The following TRAF2 variants were observed in gnomAD, a reference collection of about 807,000 sequenced individuals.
The protein encoded by TRAF2 is TNF receptor-associated factor 2.
TRAF2 carries 6 observed loss-of-function variants against 55.6 expected under a neutral mutation model. The observed-to-expected ratio is 0.11, with a 90% CI of 0.06 to 0.21. The LOEUF is 0.21. Ranked by LOEUF, TRAF2 falls within the 10% of genes least tolerant of loss-of-function variation. The pLI is 1.00. For synonymous variants in TRAF2, 329 were observed against 276.3 expected (o/e 1.19, Z -1.89); for missense variants, 561 against 684.5 (o/e 0.82, Z 2.01).
intron 1 of TRAF2, among the ~76,000 whole-genome samples, chr9:136,898,025 C>T (rs887735110): frequency 3.5e-5 from 5 of 144,026 alleles, no homozygotes; most frequent in Non-Finnish European, 6.1e-5. Flanking sequence ...GCTACGTTCC[C>T]GCTCTCAGGG....
At chr9:136,925,495 G>C (rs1298617190) in intron 10 of TRAF2, among the ~76,000 whole-genome samples, 188 bp from the exon 11 acceptor site, 1 of 151,196 alleles carries the variant, frequency 6.6e-6, no homozygotes, top group African/African-American at 2.5e-5. Context: ...TGGCTGGGGA[G>C]GGCTGGGGAG....
intron 1 of TRAF2, among the ~76,000 whole-genome samples, chr9:136,891,706 A>G (rs1042948082): frequency 1.3e-5 from 2 of 151,820 alleles, no homozygotes; most frequent in Non-Finnish European, 2.9e-5. Flanking sequence ...TTGGGAAAAA[A>G]GAACGCTCAC....
chr9:136,895,574 G>A (rs1849662613), intron 1 of TRAF2, among the ~76,000 whole-genome samples: 1 of 152,188 alleles, frequency 6.6e-6, no homozygotes, highest in African/African-American at 2.4e-5. Flanking sequence ...GTTGGAATGG[G>A]CCAGGCACGG....
chr9:136,916,479 G>A, intron 6 of TRAF2, 62 bp from the exon 7 acceptor site: 1 of 1,543,598 alleles, frequency 6.5e-7, no homozygotes, highest in Non-Finnish European at 9.0e-7. Flanking sequence ...TGTGGTCCAT[G>A]TGGAAGTGCT....
At chr9:136,897,601 G>T (rs1452690012) in intron 1 of TRAF2, among the ~76,000 whole-genome samples, 3 of 147,190 alleles carry the variant, frequency 2.0e-5, no homozygotes, top group African/African-American at 7.6e-5. Context: ...GGCTGGAGGG[G>T]AACCCGTGGT....
At chr9:136,908,048 C>T (rs761715235) in intron 4 of TRAF2, 22 bp from the exon 5 acceptor site, 20 of 1,591,152 alleles carry the variant, frequency 1.3e-5, no homozygotes, top group Admixed American at 3.4e-5. Context: ...GTTCTACTGA[C>T]GCTTCCTCCT....
At chr9:136,918,004 C>G (rs1264361015) in intron 7 of TRAF2, among the ~76,000 whole-genome samples, 1 of 151,918 alleles carries the variant, frequency 6.6e-6, no homozygotes, top group African/African-American at 2.4e-5. Context: ...AAGGATCTCC[C>G]CGTGCTGGCA....
chr9:136,882,120 T>A (rs1042699234), upstream of TRAF2: 62 of 868,626 alleles, frequency 7.1e-5, no homozygotes, highest in Non-Finnish European at 8.4e-5. Context: ...ACATTCTGCC[T>A]CCTGGCTCCA....
rs563954050 is a variant in TRAF2 at position 136,904,778 on chromosome 9, C to CATAAT, written c.367-3291_367-3290insTAATA. Among the ~76,000 whole-genome samples the CATAAT allele has an allele frequency of 1.2e-4, 18 of 152,386 alleles. No homozygotes were observed. The South Asian group carries it at 3.7e-3, about 32-fold the overall frequency. ...GCTTTCGTTTTTAGGTTTCATAAGC[C>CATAAT]AGAATAGTTGCTGAGGCTCCTCTTT... On this transcript the variant is annotated intron_variant, in intron 4 of 10. Coordinates refer to ENST00000247668, the MANE Select transcript of TRAF2 (RefSeq NM_021138.4).
At chr9:136,918,287 TG>T (rs1850296056) in intron 7 of TRAF2, among the ~76,000 whole-genome samples, 1 of 149,448 alleles carries the variant, frequency 6.7e-6, no homozygotes, top group Non-Finnish European at 1.5e-5. Context: ...TATTTATTTT[TG>T]AGGTTGAGTC....
chr9:136,905,640 C>G (rs1309360363), intron 4 of TRAF2, among the ~76,000 whole-genome samples: 1 of 152,196 alleles, frequency 6.6e-6, no homozygotes, highest in Non-Finnish European at 1.5e-5. Context: ...TTTCAACTTC[C>G]TGTTCCTTTG....
intron 9 of TRAF2, among the ~76,000 whole-genome samples, chr9:136,923,633 A>C (rs1332926088): frequency 1.3e-5 from 2 of 150,970 alleles, no homozygotes; most frequent in East Asian, 1.9e-4. Flanking sequence ...AAAAAAAAAA[A>C]AACTTTTTCT....
At chr9:136,903,750 C>T (rs1166800271) in intron 4 of TRAF2, among the ~76,000 whole-genome samples, 3 of 152,030 alleles carry the variant, frequency 2.0e-5, no homozygotes, top group Non-Finnish European at 2.9e-5. Context: ...GGTGCGATCT[C>T]GGCTCACTGC....
intron 4 of TRAF2, among the ~76,000 whole-genome samples, chr9:136,904,136 A>G (rs1274047524): frequency 6.6e-6 from 1 of 152,140 alleles, no homozygotes; most frequent in African/African-American, 2.4e-5. Flanking sequence ...CCCCCCACAC[A>G]CATTTTTTTC....
At chr9:136,905,491 A>G (rs1042398257) in intron 4 of TRAF2, among the ~76,000 whole-genome samples, 5 of 152,166 alleles carry the variant, frequency 3.3e-5, no homozygotes, top group Admixed American at 6.5e-5. Context: ...GGTTTCTACA[A>G]TGGGAAAGCG....
At chr9:136,922,002 C>T (rs534400626) in intron 9 of TRAF2, among the ~76,000 whole-genome samples, 1 of 152,340 alleles carries the variant, frequency 6.6e-6, no homozygotes, top group Admixed American at 6.5e-5. Context: ...GTTGGTGAAC[C>T]TGCTGATAGA....
chr9:136,920,996 C>T (rs938775674), intron 8 of TRAF2, 42 bp from the exon 9 acceptor site: 1 of 1,606,930 alleles, frequency 6.2e-7, no homozygotes, highest in Non-Finnish European at 8.5e-7. Flanking sequence ...CTCGTGCCCG[C>T]ACCCCTCCTG....
chr9:136,895,079 G>A (rs1370503004), intron 1 of TRAF2, among the ~76,000 whole-genome samples: 2 of 152,188 alleles, frequency 1.3e-5, no homozygotes, highest in African/African-American at 4.8e-5. Flanking sequence ...TTCTGGCACA[G>A]CAACCGGGGC....
At chr9:136,887,692 A>G (rs1293437123) in intron 1 of TRAF2, among the ~76,000 whole-genome samples, 2 of 152,084 alleles carry the variant, frequency 1.3e-5, no homozygotes, top group Non-Finnish European at 2.9e-5. Context: ...CTAGTTTTTA[A>G]TAAGAGGAAC....
Sources: allele counts gnomAD v4.1 joint callset (sites outside exome capture counted in the v4.1 genomes callset), GRCh38; gene constraint gnomAD v4.1.1; transcripts MANE v1.5; gene names NCBI Gene and HGNC (gene_info 2026-07-23, HGNC 2026-07-21).